Variants in HK1 observed in about 807,000 individuals in gnomAD.
HK1 encodes the protein hexokinase-1.
A neutral mutation model predicts 91.6 loss-of-function variants in HK1; 28 were observed. The observed-to-expected ratio is 0.31, with a 90% CI of 0.23 to 0.42. HK1 has a LOEUF of 0.42. Among genes scored for constraint, HK1 ranks in the 10% least tolerant of loss-of-function variants. The pLI is 1.00. For synonymous variants in HK1, 430 were observed against 468.1 expected (o/e 0.92, Z 1.05); for missense variants, 770 against 1,219.8 (o/e 0.63, Z 5.49).
chr10:69,318,135 T>A (rs531537766), upstream of HK1: 15 of 985,286 alleles, frequency 1.5e-5, no homozygotes, highest in Non-Finnish European at 1.8e-5. Context: ...CGGGGGCGGG[T>A]GCTCTGGGGT....
At chr10:69,276,583 C>G (rs769749757) in intron 1 of HK1, among the ~76,000 whole-genome samples, 20 of 151,822 alleles carry the variant, frequency 1.3e-4, no homozygotes, top group Non-Finnish European at 2.6e-4. Context: ...TGCTCCAACC[C>G]GGGAGGCGGA....
chr10:69,333,907 T>C (rs1847852695), intron 1 of HK1, among the ~76,000 whole-genome samples: 1 of 151,922 alleles, frequency 6.6e-6, no homozygotes, highest in South Asian at 2.1e-4. Flanking sequence ...GGTCAAGAGA[T>C]CAAGACCATC....
At chr10:69,318,720 CA>C, upstream of HK1, 1 of 776,412 alleles carries the variant, frequency 1.3e-6, no homozygotes, top group Non-Finnish European at 1.8e-6. Flanking sequence ...GCGCCGCAAC[CA>C]ATGGGCGTGG....
Position 69,367,005 on chromosome 10 carries a change from C to T in HK1, c.496-1531C>T, listed in dbSNP as rs12243746. Among the ~76,000 whole-genome samples, 981 of 152,310 alleles carry T rather than the reference C, an allele frequency of 6.4e-3. 16 individuals carry two copies. Among genetic ancestry groups the T allele is most frequent in the African/African-American group, 0.022 (928 of 41,566 alleles). The stretch of plus-strand genomic sequence containing the variant: ...CTGCAGTGCTGAGGTTTAATGTTAC[C>T]GTACAGTAGGTCCCGTAACAGCAGA... On this transcript the variant is annotated intron_variant, in intron 4 of 17. Transcript: ENST00000359426.
At chr10:69,307,403 C>T (rs1846155739) in intron 5 of HK1, among the ~76,000 whole-genome samples, 1 of 152,226 alleles carries the variant, frequency 6.6e-6, no homozygotes, top group African/African-American at 2.4e-5. Flanking sequence ...CCCAGATCCA[C>T]TTGCCACGCT....
At chr10:69,399,967 G>A (rs1236238002) in intron 17 of HK1, among the ~76,000 whole-genome samples, 1 of 152,076 alleles carries the variant, frequency 6.6e-6, no homozygotes, top group Non-Finnish European at 1.5e-5. Context: ...CCTCACCTCT[G>A]TCTCTCCCCC....
intron 1 of HK1, among the ~76,000 whole-genome samples, chr10:69,282,258 T>G (rs1844786903): frequency 6.6e-6 from 1 of 152,168 alleles, no homozygotes; most frequent in African/African-American, 2.4e-5. Context: ...ATCACCATCT[T>G]CAATATCACC....
chr10:69,329,331 T>C (rs965587287), intron 1 of HK1, among the ~76,000 whole-genome samples: 1 of 152,030 alleles, frequency 6.6e-6, no homozygotes, highest in Non-Finnish European at 1.5e-5. Context: ...CCCAGCTAAT[T>C]TTTGTATTTT....
At chr10:69,340,000 T>C (rs944111079) in intron 1 of HK1, among the ~76,000 whole-genome samples, 1 of 152,220 alleles carries the variant, frequency 6.6e-6, no homozygotes, top group Non-Finnish European at 1.5e-5. Context: ...TATACTGATA[T>C]ACTGTAAGCC....
intron 1 of HK1, among the ~76,000 whole-genome samples, chr10:69,340,876 C>A (rs929154772): frequency 6.6e-6 from 1 of 152,118 alleles, no homozygotes; most frequent in African/African-American, 2.4e-5. Flanking sequence ...GACAGTCTTT[C>A]CAGGCACACC....
rs1329311656 is a variant in HK1 at position 69,389,487 on chromosome 10, C to T, written c.2035+191C>T. On this transcript the variant is annotated intron_variant, in intron 14 of 17. Transcript: ENST00000359426. ...TCTCTGGCGGGGGGAGGTGGGGGGG[C>T]CTTTCTTAAGACACCCATAATGCTA... is the stretch of plus-strand genomic sequence containing the variant. 6 of 630,400 alleles carry T rather than the reference C, an allele frequency of 9.5e-6. No individual in the cohort carries two copies. In the African/African-American group the frequency reaches 1.1e-4, roughly 11 times the overall value. The allele number at this position is 630,400 out of a possible 1,614,324, so 39.1% of individuals were successfully genotyped here. A position where few individuals can be genotyped will look rare whatever the true frequency, so the allele number is the denominator to read the frequency against.
At chr10:69,273,814 A>G (rs1020862218) in intron 1 of HK1, among the ~76,000 whole-genome samples, 2 of 152,170 alleles carry the variant, frequency 1.3e-5, no homozygotes, top group East Asian at 1.9e-4. Context: ...TAATTTCTCT[A>G]TTGACATTAT....
chr10:69,386,917 T>C (rs1263967762), intron 13 of HK1: 1 of 152,326 alleles, frequency 6.6e-6, no homozygotes, highest in Non-Finnish European at 1.5e-5. Context: ...GTTTGTGTTG[T>C]TAAAAGATTA....
At chr10:69,400,416 T>C (rs576112202) in intron 17 of HK1, among the ~76,000 whole-genome samples, 21 of 152,190 alleles carry the variant, frequency 1.4e-4, no homozygotes, top group Non-Finnish European at 2.5e-4. Flanking sequence ...CTGGAAGGCA[T>C]TCCTGTCTTT....
chr10:69,293,196 G>A (rs1440043637), intron 3 of HK1, among the ~76,000 whole-genome samples: 2 of 152,162 alleles, frequency 1.3e-5, no homozygotes, highest in African/African-American at 2.4e-5. Flanking sequence ...TGCTCCTTGG[G>A]TAGCCTTCTT....
intron 1 of HK1, among the ~76,000 whole-genome samples, chr10:69,319,821 G>C (rs1173747685): frequency 6.6e-6 from 1 of 152,194 alleles, no homozygotes; most frequent in Non-Finnish European, 1.5e-5. Context: ...GGTCTTAAAG[G>C]TGTATTTGTC....
At chr10:69,280,640 C>A (rs1036162004) in intron 1 of HK1, among the ~76,000 whole-genome samples, 3 of 152,184 alleles carry the variant, frequency 2.0e-5, no homozygotes, top group Non-Finnish European at 4.4e-5. Context: ...AGCTTGTCTG[C>A]CCCTTCTACC....
chr10:69,389,403 T>A (rs766463883), intron 14 of HK1, 107 bp downstream of exon 14: 4 of 754,126 alleles, frequency 5.3e-6, no homozygotes, highest in Non-Finnish European at 9.4e-6. Flanking sequence ...GGTAGTCTTA[T>A]CTGTCAGTAT....
Position 69,401,009 on chromosome 10 carries a change from C to A in HK1, c.2628C>A (p.His876Gln). The A allele has an allele frequency of 6.2e-7, 1 of 1,614,252 alleles. No homozygotes were observed. The highest frequency in any genetic ancestry group is 8.5e-7 in the Non-Finnish European group (1 of 1,180,042). ...TTTTTAGCTTCTCCAGAATCATGCA[C>A]CAGACGGTGAAGGAACTGTCACCAA... ...KLHPHFSRIM[H>Q]QTVKELSPKC... The change falls in exon 18 of 18, where the codon CAC (histidine) becomes CAA (glutamine). Residue 876 changes from histidine (H) to glutamine (Q), a missense_variant. Physicochemically the swap from His to Gln is conservative, Grantham distance 24 (BLOSUM62 0). Around this residue, in one of 7 missense-constraint regions of HK1, gnomAD observed 78 missense variants for 99.0 expected, o/e 0.79. Coordinates refer to ENST00000359426, the MANE Select transcript of HK1 (RefSeq NM_000188.3).
Sources: allele counts gnomAD v4.1 joint callset (sites outside exome capture counted in the v4.1 genomes callset), GRCh38; gene constraint gnomAD v4.1.1; regional missense constraint gnomAD v4.1.1; transcripts MANE v1.5; gene names NCBI Gene and HGNC (gene_info 2026-07-23, HGNC 2026-07-21).